Variants in PELI1 observed in about 807,000 individuals in gnomAD.
PELI1 encodes E3 ubiquitin-protein ligase pellino homolog 1.
Under a neutral mutation model 41.3 loss-of-function variants are expected in PELI1, and 15 were observed. That is an observed-to-expected ratio of 0.36 (90% CI 0.24 to 0.56). The LOEUF (loss-of-function observed/expected upper bound fraction) is 0.56. Among genes scored for constraint, PELI1 ranks in the 20% least tolerant of loss-of-function variants. The probability of loss-of-function intolerance (pLI) is 0.82; values close to 1 mark genes in which losing one functional copy is unlikely to be tolerated. For missense variants in PELI1, 403 were observed against 525.5 expected, an observed-to-expected ratio of 0.77 and a Z score of 2.28; for synonymous variants, 178 against 180.1, an observed-to-expected ratio of 0.99 and a Z score of 0.09.
At chr2:64,143,533 G>C (rs995018531) in intron 1 of PELI1, 1 of 152,104 alleles carries the variant, frequency 6.6e-6, no homozygotes, top group Non-Finnish European at 1.5e-5. Flanking sequence ...TTTCCTAGGG[G>C]ACCCGGGGGT....
At chr2:64,107,898 G>A (rs2103689587) in intron 2 of PELI1, among the ~76,000 whole-genome samples, 1 of 152,178 alleles carries the variant, frequency 6.6e-6, no homozygotes, top group Non-Finnish European at 1.5e-5. Flanking sequence ...GGCTGGTCTC[G>A]AATTCCTGGC....
At chr2:64,119,928 T>C (rs1421371145) in intron 1 of PELI1, among the ~76,000 whole-genome samples, 2 of 152,200 alleles carry the variant, frequency 1.3e-5, no homozygotes, top group Non-Finnish European at 2.9e-5. Flanking sequence ...ATACAATTCA[T>C]ATGTAAAGAA....
At position 64,093,991 on chromosome 2, in the gene PELI1, C is replaced by T. The variant is rs1300331894; in HGVS notation, c.*711G>A. The stretch of plus-strand genomic sequence containing the variant: ...ATTAAGTTTTTGTTATAGTACTACG[C>T]TCGAGAGAAACATTAAGAAAAAATC... On this transcript the variant is annotated 3_prime_UTR_variant, in exon 7 of 7. Transcript: ENST00000358912. The T allele has an allele frequency of 6.6e-6, 1 of 152,616 alleles. No homozygotes were observed. The highest frequency in any genetic ancestry group is 1.5e-5 in the Non-Finnish European group (1 of 68,036). 9.5% of individuals were successfully genotyped at this position (152,616 alleles called of 1,614,324 possible).
intron 1 of PELI1, among the ~76,000 whole-genome samples, chr2:64,132,990 T>TA (rs1176696340): frequency 1.3e-5 from 2 of 152,134 alleles, no homozygotes; most frequent in East Asian, 1.9e-4. Context: ...CTAACCAGGT[T>TA]AAAAAAACAG....
At chr2:64,117,136 T>C (rs1681023335) in intron 1 of PELI1, among the ~76,000 whole-genome samples, 2 of 152,092 alleles carry the variant, frequency 1.3e-5, no homozygotes, top group South Asian at 4.1e-4. Context: ...ATTATGCCAA[T>C]TAATACTCCT....
chr2:64,113,304 A>G (rs1477673909), intron 1 of PELI1, among the ~76,000 whole-genome samples: 8 of 146,868 alleles, frequency 5.4e-5, no homozygotes, highest in African/African-American at 1.9e-4. Context: ...AAAAAAGAAA[A>G]AAAAAAAAAA....
Position 64,096,457 on chromosome 2 carries a change from T to C in PELI1, c.457A>G (p.Ile153Val), listed in dbSNP as rs765258774. The C allele has an allele frequency of 3.1e-6, 5 of 1,613,748 alleles. No homozygotes were observed. Among genetic ancestry groups the C allele is most frequent in the Non-Finnish European group, 4.2e-6 (5 of 1,179,782 alleles). Residue 153 changes from isoleucine (I) to valine (V), a missense_variant, in exon 5 of 7, where the codon ATT becomes GTT. Transcript: ENST00000358912. ...CERNPPFTAR[I>V]YAAGFDSSKN... ...GATGAGTCAAATCCTGCAGCATAAATCCGTGCTGTAAAGGGAGGATTCCGT... is the reference window on the plus strand; with the variant it reads ...GATGAGTCAAATCCTGCAGCATAAACCCGTGCTGTAAAGGGAGGATTCCGT...
intron 4 of PELI1, among the ~76,000 whole-genome samples, chr2:64,097,062 G>C (rs2103662485): frequency 6.6e-6 from 1 of 152,256 alleles, no homozygotes; most frequent in Non-Finnish European, 1.5e-5. Context: ...TACCACTTAC[G>C]TTAAGCTGAA....
rs186008202 is a variant in PELI1 at position 64,108,634 on chromosome 2, A to G, written c.-69-255T>C. 1.6e-4 allele frequency among the ~76,000 whole-genome samples: 25 copies of G among 152,370 alleles called. No homozygotes were observed. In the East Asian group the frequency reaches 4.6e-3, roughly 28 times the overall value. ...CTTTTCCCTTTTATTTCTGCTAAGT[A>G]TAACTAAAGACCCTGGACATTATAT... is the stretch of plus-strand genomic sequence containing the variant. On this transcript the variant is annotated intron_variant, in intron 1 of 6. Transcript: ENST00000358912.
At chr2:64,137,338 CCAAGTGTATGCCATAGCGA>C (rs1681749565) in intron 1 of PELI1, among the ~76,000 whole-genome samples, 2 of 152,096 alleles carry the variant, frequency 1.3e-5, no homozygotes, top group South Asian at 4.1e-4. Flanking sequence ...AGTTCCTTCC[CCAAGTGTATGCCATAGCGA>C]CAAGACTTAA....
intron 1 of PELI1, among the ~76,000 whole-genome samples, chr2:64,140,836 A>AATCAT (rs1383942552): frequency 2.8e-5 from 4 of 145,448 alleles, no homozygotes; most frequent in Non-Finnish European, 6.0e-5. Context: ...CAGAACTTGA[A>AATCAT]ATCATATCCA....
At chr2:64,112,770 A>G (rs1225594635) in intron 1 of PELI1, among the ~76,000 whole-genome samples, 1 of 152,204 alleles carries the variant, frequency 6.6e-6, no homozygotes, top group Non-Finnish European at 1.5e-5. Flanking sequence ...ATAATCAATC[A>G]ATATACAACT....
chr2:64,122,342 TAA>T (rs59972052), intron 1 of PELI1, among the ~76,000 whole-genome samples: 51 of 100,550 alleles, frequency 5.1e-4, no homozygotes, highest in East Asian at 9.6e-4. Flanking sequence ...CTCTGAAACT[TAA>T]AAAAAAAAAA....
rs145240679 is a variant in PELI1 at position 64,101,880 on chromosome 2, T to C, written c.202-1381A>G. 1.0e-3 allele frequency among the ~76,000 whole-genome samples: 153 copies of C among 147,642 alleles called. 1 individual carries two copies. The highest frequency in any genetic ancestry group is 3.7e-3 in the African/African-American group (146 of 39,174). On this transcript the variant is annotated intron_variant, in intron 3 of 6. Transcript: ENST00000358912. ...TCTCGCTCTGTCGCCTAGGTTGCAG[T>C]GCAGTGGTGCTATCTCGGCTCACTG... is the stretch of plus-strand genomic sequence containing the variant.
intron 1 of PELI1, among the ~76,000 whole-genome samples, chr2:64,117,170 G>A (rs1681024667): frequency 6.6e-6 from 1 of 152,020 alleles, no homozygotes; most frequent in Non-Finnish European, 1.5e-5. Context: ...ACTGTTTAAG[G>A]GAAAGGAAGA....
rs777705740 is a variant in PELI1 at position 64,108,298 on chromosome 2, C to T, written c.13G>A (p.Asp5Asn). 5 of 1,602,820 alleles carry T rather than the reference C, an allele frequency of 3.1e-6. No homozygotes were observed. The South Asian group carries it at 4.4e-5, about 14-fold the overall frequency. Residue 5 changes from aspartate to asparagine, a missense_variant, in exon 2 of 7, where the codon GAT becomes AAT. Physicochemically the swap from Asp to Asn is conservative, Grantham distance 23. Coordinates refer to ENST00000358912, the MANE Select transcript of PELI1 (RefSeq NM_020651.4). MFSP[D>N]QENHPSKAPV... ...GCTTTAGATGGATGATTTTCTTGAT[C>T]AGGAGAAAACATGAGCTTGGCTGTC...
intron 1 of PELI1, among the ~76,000 whole-genome samples, chr2:64,140,799 ACAAAC>A (rs1238091773): frequency 0.013 from 1,577 of 125,400 alleles, 413 homozygotes; most frequent in African/African-American, 0.047. Flanking sequence ...AAAAAAAAAA[ACAAAC>A]AAACAAAAAA....
intron 4 of PELI1, among the ~76,000 whole-genome samples, chr2:64,096,882 T>G (rs946202244): frequency 1.3e-5 from 2 of 152,210 alleles, no homozygotes; most frequent in Non-Finnish European, 1.5e-5. Flanking sequence ...GGCTGAGATT[T>G]CTAGATGGCT....
At position 64,094,198 on chromosome 2, in the gene PELI1, A is replaced by T. The variant is rs1680146434; in HGVS notation, c.*504T>A. On this transcript the variant is annotated 3_prime_UTR_variant, in exon 7 of 7. Transcript: ENST00000358912. ...TGCAAATCCTTGAGCTAGGTTGCTCACTAAGCTACCATTCACACCAAGGGT... is the reference window on the plus strand; with the variant it reads ...TGCAAATCCTTGAGCTAGGTTGCTCTCTAAGCTACCATTCACACCAAGGGT... 1 of 152,918 alleles carries T rather than the reference A, an allele frequency of 6.5e-6. No homozygotes were observed. Among genetic ancestry groups the T allele is most frequent in the Admixed American group, 6.5e-5 (1 of 15,300 alleles). The allele number at this position is 152,918 out of a possible 1,614,324, so 9.5% of individuals were successfully genotyped here.
Sources: allele counts gnomAD v4.1 joint callset (sites outside exome capture counted in the v4.1 genomes callset), GRCh38; gene constraint gnomAD v4.1.1; transcripts MANE v1.5; gene names NCBI Gene and HGNC (gene_info 2026-07-23, HGNC 2026-07-21).